The following TENM2 variants were observed in gnomAD, a reference collection of about 807,000 sequenced individuals.
The protein encoded by TENM2 is teneurin transmembrane protein 2, also known as teneurin-2.
A neutral mutation model predicts 245.2 loss-of-function variants in TENM2; 52 were observed. The observed-to-expected ratio is 0.21, with a 90% CI of 0.17 to 0.27. The LOEUF (loss-of-function observed/expected upper bound fraction) is 0.27. TENM2 is among the 10% of genes least tolerant of loss of function. The probability of loss-of-function intolerance (pLI) is 1.00; values close to 1 mark genes in which losing one functional copy is unlikely to be tolerated. For missense variants in TENM2, 3,046 were observed against 3,666.8 expected, an observed-to-expected ratio of 0.83 and a Z score of 4.37; for synonymous variants, 1,363 against 1,438.9, an observed-to-expected ratio of 0.95 and a Z score of 1.19.
At chr5:167,465,183 A>AT (rs1766566056) in intron 2 of TENM2, among the ~76,000 whole-genome samples, 1 of 152,238 alleles carries the variant, frequency 6.6e-6, no homozygotes, top group East Asian at 1.9e-4. Context: ...GTGCTAATGC[A>AT]TAGCCAGAAC....
chr5:167,343,014 A>T (rs970254935), intron 1 of TENM2, among the ~76,000 whole-genome samples: 13 of 151,822 alleles, frequency 8.6e-5, no homozygotes, highest in East Asian at 1.9e-4. Flanking sequence ...TACCTATTTA[A>T]TTATTTATTT....
chr5:168,055,815 CAGAG>C (rs1789492454), intron 6 of TENM2, among the ~76,000 whole-genome samples: 1 of 152,154 alleles, frequency 6.6e-6, no homozygotes, highest in Non-Finnish European at 1.5e-5. Flanking sequence ...TAGACAGACT[CAGAG>C]AGGGCTTTTG....
intron 3 of TENM2, among the ~76,000 whole-genome samples, chr5:167,904,479 A>G (rs1775937145): frequency 6.6e-6 from 1 of 152,190 alleles, no homozygotes; most frequent in African/African-American, 2.4e-5. Flanking sequence ...AAATGAAGCT[A>G]TTAATATTAG....
intron 1 of TENM2, among the ~76,000 whole-genome samples, chr5:167,336,662 A>G (rs1286468986): frequency 6.6e-6 from 1 of 152,114 alleles, no homozygotes; most frequent in Non-Finnish European, 1.5e-5. Context: ...CTGTCTTATC[A>G]TACCCTTTGA....
intron 2 of TENM2, among the ~76,000 whole-genome samples, chr5:167,403,146 A>T (rs1292005956): frequency 4.0e-5 from 6 of 149,506 alleles, no homozygotes; most frequent in African/African-American, 1.3e-4. Context: ...TGTGTGTGTA[A>T]GTGTGTGTGA....
intron 2 of TENM2, among the ~76,000 whole-genome samples, chr5:167,657,804 A>G (rs1335923107): frequency 6.6e-6 from 1 of 152,232 alleles, no homozygotes; most frequent in Non-Finnish European, 1.5e-5. Flanking sequence ...CAAATCTTAG[A>G]AAAAATAGAT....
At position 168,114,533 on chromosome 5, in the gene TENM2, G is replaced by C. The variant is rs1794914348; in HGVS notation, c.1814-3759G>C. 2.0e-5 allele frequency among the ~76,000 whole-genome samples: 3 copies of C among 152,210 alleles called. No homozygotes were observed. In the South Asian group the frequency reaches 6.2e-4, roughly 32 times the overall value. On this transcript the variant is annotated intron_variant, in intron 9 of 28. Transcript: ENST00000518659. ...CAGATACTGGGATGCTCTGGGTTGAGTTATGTCTGAGAATGAATCAGTTGC... is the reference window on the plus strand; with the variant it reads ...CAGATACTGGGATGCTCTGGGTTGACTTATGTCTGAGAATGAATCAGTTGC...
At chr5:167,503,711 C>G (rs575899243) in intron 2 of TENM2, among the ~76,000 whole-genome samples, 1 of 151,788 alleles carries the variant, frequency 6.6e-6, no homozygotes. Context: ...CTGGGTAACA[C>G]GGCAGAAACC....
At chr5:167,257,020 C>G in the TENM2 span, among the ~76,000 whole-genome samples, 5 of 152,032 alleles carry the variant, frequency 3.3e-5, no homozygotes, top group African/African-American at 9.7e-5. Context: ...GTAAAGATAT[C>G]TGCATTTTTC....
intron 2 of TENM2, among the ~76,000 whole-genome samples, chr5:167,429,083 G>A (rs992475245): frequency 2.0e-5 from 3 of 152,014 alleles, no homozygotes; most frequent in African/African-American, 7.3e-5. Flanking sequence ...TTTTTGAATG[G>A]AATCCTATGA....
intron 2 of TENM2, among the ~76,000 whole-genome samples, chr5:167,670,625 A>G (rs1755873089): frequency 1.3e-5 from 2 of 152,162 alleles, no homozygotes; most frequent in Admixed American, 6.5e-5. Context: ...GGCACAGACG[A>G]TACTGAGAGT....
intron 2 of TENM2, among the ~76,000 whole-genome samples, chr5:167,738,014 T>C (rs1198768220): frequency 6.6e-6 from 1 of 152,238 alleles, no homozygotes. Flanking sequence ...AATCAACCCT[T>C]CCATGCTAAA....
intron 2 of TENM2, among the ~76,000 whole-genome samples, chr5:167,420,147 T>C (rs1045563342): frequency 6.6e-6 from 1 of 152,134 alleles, no homozygotes; most frequent in Non-Finnish European, 1.5e-5. Context: ...GATGCAGGAG[T>C]AGTTTGCAAC....
intron 5 of TENM2, among the ~76,000 whole-genome samples, chr5:168,017,618 G>T (rs867776567): frequency 1.2e-4 from 19 of 152,190 alleles, no homozygotes; most frequent in Non-Finnish European, 1.3e-4. Flanking sequence ...AAAGAAAGAA[G>T]TATTACAAGG....
chr5:167,411,573 A>AGAGT (rs752919344), intron 2 of TENM2, among the ~76,000 whole-genome samples: 16 of 145,146 alleles, frequency 1.1e-4, no homozygotes, highest in South Asian at 4.5e-4. Flanking sequence ...TGTAGGTGAG[A>AGAGT]GTGTGTGTGT....
At chr5:167,361,586 T>A (rs373723708) in intron 1 of TENM2, among the ~76,000 whole-genome samples, 1 of 152,210 alleles carries the variant, frequency 6.6e-6, no homozygotes, top group Admixed American at 6.5e-5. Context: ...AGGCCTTAAG[T>A]TCTTTTTGTC....
At chr5:167,430,256 C>T (rs1764135369) in intron 2 of TENM2, among the ~76,000 whole-genome samples, 1 of 152,186 alleles carries the variant, frequency 6.6e-6, no homozygotes, top group Non-Finnish European at 1.5e-5. Flanking sequence ...ACTTACTTCC[C>T]TAAGCCTCAG....
chr5:167,196,621 T>C, the TENM2 span, among the ~76,000 whole-genome samples: 2 of 151,390 alleles, frequency 1.3e-5, no homozygotes, highest in Non-Finnish European at 2.9e-5. Context: ...TTCTGATCAA[T>C]ATACAGTCAT....
chr5:167,300,514 G>C (rs1305231479), intron 1 of TENM2, among the ~76,000 whole-genome samples: 2 of 152,160 alleles, frequency 1.3e-5, no homozygotes, highest in Admixed American at 1.3e-4. Context: ...AGTCTTGTCT[G>C]GTTTTAGGAC....
Sources: allele counts gnomAD v4.1 joint callset (sites outside exome capture counted in the v4.1 genomes callset), GRCh38; gene constraint gnomAD v4.1.1; transcripts MANE v1.5; gene names NCBI Gene and HGNC (gene_info 2026-07-23, HGNC 2026-07-21).